NHEJ1: variants seen among roughly 807,000 people sequenced by gnomAD.
NHEJ1 encodes the protein non-homologous end-joining factor 1.
Under a neutral mutation model 39.4 loss-of-function variants are expected in NHEJ1, and 22 were observed. The observed-to-expected ratio is 0.56, with a 90% CI of 0.40 to 0.80. NHEJ1 has a LOEUF of 0.80. Ranked by LOEUF, NHEJ1 falls within the 30% of genes least tolerant of loss-of-function variation. NHEJ1 has a pLI of 0.00. For missense variants in NHEJ1, 329 were observed against 357.1 expected (o/e 0.92, Z 0.63); for synonymous variants, 154 against 135.6 (o/e 1.14, Z -0.94).
chr2:219,095,660 T>C (rs1949201667), intron 5 of NHEJ1, among the ~76,000 whole-genome samples: 1 of 152,094 alleles, frequency 6.6e-6, no homozygotes, highest in South Asian at 2.1e-4. Flanking sequence ...CTTGATTAAA[T>C]TCTTAAGAGC....
At chr2:219,112,143 G>C (rs528103836) in intron 5 of NHEJ1, among the ~76,000 whole-genome samples, 1 of 152,182 alleles carries the variant, frequency 6.6e-6, no homozygotes, top group Non-Finnish European at 1.5e-5. Context: ...AATGGTGAAA[G>C]CACTGGGGAG....
intron 5 of NHEJ1, among the ~76,000 whole-genome samples, chr2:219,132,819 A>G (rs1282782762): frequency 6.6e-6 from 1 of 152,152 alleles, no homozygotes; most frequent in Admixed American, 6.5e-5. Flanking sequence ...TCCTCCTCTC[A>G]GGTACCATAT....
At chr2:219,080,035 T>A (rs1321729201) in intron 5 of NHEJ1, among the ~76,000 whole-genome samples, 1 of 152,186 alleles carries the variant, frequency 6.6e-6, no homozygotes, top group African/African-American at 2.4e-5. Flanking sequence ...CAGGGCGACC[T>A]TCACTCAGCT....
At chr2:219,135,660 C>G (rs1331139303) in intron 5 of NHEJ1, among the ~76,000 whole-genome samples, 1 of 151,696 alleles carries the variant, frequency 6.6e-6, no homozygotes, top group African/African-American at 2.4e-5. Flanking sequence ...CAAATCAAAT[C>G]TGAACCAAAT....
intron 5 of NHEJ1, among the ~76,000 whole-genome samples, chr2:219,092,863 G>T (rs1177631034): frequency 6.6e-6 from 1 of 152,198 alleles, no homozygotes; most frequent in Non-Finnish European, 1.5e-5. Context: ...AGATCCCAGA[G>T]AAAGAAGCTG....
chr2:219,098,127 T>C (rs1435856952), intron 5 of NHEJ1, among the ~76,000 whole-genome samples: 1 of 152,208 alleles, frequency 6.6e-6, no homozygotes, highest in Non-Finnish European at 1.5e-5. Context: ...AAGTCATTAG[T>C]AACCTTTTCA....
chr2:219,071,526 A>G lies in NHEJ1; in HGVS notation c.*4855T>C, dbSNP rs1347691546. Among the ~76,000 whole-genome samples, 1 of 152,158 alleles carries G rather than the reference A, an allele frequency of 6.6e-6. No homozygotes were observed. The highest frequency in any genetic ancestry group is 2.4e-5 in the African/African-American group (1 of 41,438). On this transcript the variant is annotated 3_prime_UTR_variant, in exon 8 of 8. Coordinates refer to ENST00000356853, the MANE Select transcript of NHEJ1 (RefSeq NM_024782.3). ...GATGGGCTTCCCCTTCCAGCTGCCA[A>G]TATGAAAAAGTAAATACAACACATT...
intron 5 of NHEJ1, among the ~76,000 whole-genome samples, chr2:219,104,753 T>G (rs1949299362): frequency 6.6e-6 from 1 of 152,078 alleles, no homozygotes; most frequent in Non-Finnish European, 1.5e-5. Flanking sequence ...AAGAAAACCT[T>G]GAAAATGTTC....
At chr2:219,094,085 G>A (rs1236798423) in intron 5 of NHEJ1, among the ~76,000 whole-genome samples, 1 of 152,208 alleles carries the variant, frequency 6.6e-6, no homozygotes, top group Admixed American at 6.5e-5. Flanking sequence ...TCAACTGCTA[G>A]GCTTGAGTTA....
At chr2:219,085,070 C>G (rs952298116) in intron 5 of NHEJ1, among the ~76,000 whole-genome samples, 7 of 152,178 alleles carry the variant, frequency 4.6e-5, no homozygotes, top group Non-Finnish European at 2.9e-5. Context: ...AATATACACT[C>G]AATAAGGGCT....
chr2:219,131,473 G>A (rs1301220279), intron 5 of NHEJ1, among the ~76,000 whole-genome samples: 1 of 152,214 alleles, frequency 6.6e-6, no homozygotes, highest in African/African-American at 2.4e-5. Flanking sequence ...AATAAATATT[G>A]AGAGTGCTAC....
At chr2:219,144,397 A>G (rs1220792700) in intron 5 of NHEJ1, among the ~76,000 whole-genome samples, 1 of 152,154 alleles carries the variant, frequency 6.6e-6, no homozygotes, top group Non-Finnish European at 1.5e-5. Flanking sequence ...GCATACAAAC[A>G]GTAATATTAC....
chr2:219,115,281 C>G lies in NHEJ1; in HGVS notation c.588+31399G>C, dbSNP rs190624455. On this transcript the variant is annotated intron_variant, in intron 5 of 7. Transcript: ENST00000356853. The stretch of plus-strand genomic sequence containing the variant: ...AAGAAGAAGAAAAGTCCAAATGTAA[C>G]CAGTTTTCAATTAGGGCCTAATTAG... 5.9e-5 allele frequency among the ~76,000 whole-genome samples: 9 copies of G among 152,286 alleles called. No homozygotes were observed. The East Asian group carries it at 1.5e-3, about 26-fold the overall frequency.
chr2:219,154,572 GTATCCACCTACATCCTT>G (rs1267215114), intron 3 of NHEJ1, among the ~76,000 whole-genome samples: 1 of 152,108 alleles, frequency 6.6e-6, no homozygotes, highest in African/African-American at 2.4e-5. Flanking sequence ...GCCTGAAATA[GTATCCACCTACATCCTT>G]ACCCGTGTCC....
At chr2:219,156,717 C>T (rs1029439543) in intron 3 of NHEJ1, among the ~76,000 whole-genome samples, 1 of 152,162 alleles carries the variant, frequency 6.6e-6, no homozygotes, top group African/African-American at 2.4e-5. Context: ...AGTACTTATC[C>T]TGAAGGAGAG....
chr2:219,133,434 C>T (rs180985715), intron 5 of NHEJ1, among the ~76,000 whole-genome samples: 1 of 152,202 alleles, frequency 6.6e-6, no homozygotes, highest in South Asian at 2.1e-4. Flanking sequence ...CAACCAGGTA[C>T]CTCCTGTCTA....
At chr2:219,116,293 T>A (rs1171875512) in intron 5 of NHEJ1, among the ~76,000 whole-genome samples, 1 of 152,190 alleles carries the variant, frequency 6.6e-6, no homozygotes, top group Non-Finnish European at 1.5e-5. Context: ...TTTCTTTTTT[T>A]AATTAAAAAT....
At chr2:219,114,582 C>T (rs1949393857) in intron 5 of NHEJ1, among the ~76,000 whole-genome samples, 1 of 152,056 alleles carries the variant, frequency 6.6e-6, no homozygotes, top group African/African-American at 2.4e-5. Flanking sequence ...AAGCCAAGAT[C>T]CCAGGAAAAT....
chr2:219,104,783 T>G (rs1949299549), intron 5 of NHEJ1, among the ~76,000 whole-genome samples: 1 of 152,136 alleles, frequency 6.6e-6, no homozygotes, highest in Non-Finnish European at 1.5e-5. Flanking sequence ...AAAATGATGC[T>G]AAAAGAAACC....
Sources: gnomAD v4.1 joint callset for allele counts (sites outside exome capture counted in the v4.1 genomes callset) on GRCh38, gnomAD v4.1.1 for gene constraint, MANE v1.5 for transcripts, NCBI Gene and HGNC (gene_info 2026-07-23, HGNC 2026-07-21) for gene names.